ABLIM1: variants seen among roughly 807,000 people sequenced by gnomAD.
The protein encoded by ABLIM1 is actin-binding LIM protein 1.
ABLIM1 carries 40 observed loss-of-function variants against 107.0 expected under a neutral mutation model. The observed-to-expected ratio is 0.37, with a 90% CI of 0.29 to 0.49. The LOEUF is 0.49. Among genes scored for constraint, ABLIM1 ranks in the 20% least tolerant of loss-of-function variants. The pLI is 0.97. For missense variants in ABLIM1, 857 were observed against 1,008.5 expected (o/e 0.85, Z 2.04); for synonymous variants, 357 against 357.3 (o/e 1.00, Z 0.01).
intron 4 of ABLIM1, among the ~76,000 whole-genome samples, chr10:114,567,636 C>T (rs1326702303): frequency 6.6e-6 from 1 of 152,220 alleles, no homozygotes; most frequent in African/African-American, 2.4e-5. Flanking sequence ...TGCATCTTTC[C>T]TCAATAAGGT....
At chr10:114,730,397 C>CAAAAAAAAAAAAAAAAAAAAAAA (rs59713925) in intron 1 of ABLIM1, among the ~76,000 whole-genome samples, 1 of 73,144 alleles carries the variant, frequency 1.4e-5, no homozygotes, top group Non-Finnish European at 2.8e-5. Flanking sequence ...AACTCCATCT[C>CAAAAAAAAAAAAAAAAAAAAAAA]AAAAAAAAAA....
At chr10:114,476,934 C>G (rs924423904) in intron 8 of ABLIM1, among the ~76,000 whole-genome samples, 1 of 152,130 alleles carries the variant, frequency 6.6e-6, no homozygotes, top group Non-Finnish European at 1.5e-5. Context: ...CTACTGCCCA[C>G]TTACTACGTG....
the ABLIM1 span, among the ~76,000 whole-genome samples, chr10:114,784,870 A>T: frequency 1.3e-5 from 2 of 151,650 alleles, no homozygotes; most frequent in African/African-American, 4.9e-5. Flanking sequence ...TGGACCATAA[A>T]GGAAAAAAAA....
At chr10:114,672,842 C>T (rs942637448) in intron 1 of ABLIM1, among the ~76,000 whole-genome samples, 1 of 152,144 alleles carries the variant, frequency 6.6e-6, no homozygotes, top group Non-Finnish European at 1.5e-5. Context: ...TCTCGTGCTC[C>T]AGCATCATTT....
At chr10:114,710,004 A>G (rs985403550) in intron 1 of ABLIM1, among the ~76,000 whole-genome samples, 1 of 152,154 alleles carries the variant, frequency 6.6e-6, no homozygotes, top group Admixed American at 6.5e-5. Flanking sequence ...CACTCCCACC[A>G]TGTGCACACA....
chr10:114,539,777 C>T lies in ABLIM1; in HGVS notation c.894+5228G>A, dbSNP rs75816682. Among the ~76,000 whole-genome samples, 1,171 of 152,152 alleles carry T rather than the reference C, an allele frequency of 7.7e-3. 8 individuals carry two copies. Among genetic ancestry groups the T allele is most frequent in the Middle Eastern group, 0.02 (6 of 294 alleles). ...TACCAAAGATGGGAAGAAATGCATT[C>T]CAAAGAGATGCCCCACTCCCCCATG... On this transcript the variant is annotated intron_variant, in intron 6 of 22. Transcript: ENST00000533213.
chr10:114,482,599 G>A (rs2057536926), intron 8 of ABLIM1, among the ~76,000 whole-genome samples: 1 of 152,168 alleles, frequency 6.6e-6, no homozygotes. Flanking sequence ...AACGGGTGAA[G>A]GGAGACCTTG....
At chr10:114,561,424 G>A (rs561374567) in intron 4 of ABLIM1, among the ~76,000 whole-genome samples, 7 of 152,222 alleles carry the variant, frequency 4.6e-5, no homozygotes, top group African/African-American at 1.4e-4. Context: ...TTTGAAAAAC[G>A]AACATTATTT....
intron 1 of ABLIM1, among the ~76,000 whole-genome samples, chr10:114,618,960 G>C (rs923842172): frequency 2.6e-5 from 4 of 151,986 alleles, no homozygotes; most frequent in Non-Finnish European, 5.9e-5. Context: ...AGCCACTCCT[G>C]GGCTCTTGTT....
intron 4 of ABLIM1, among the ~76,000 whole-genome samples, chr10:114,567,751 A>C (rs2070971902): frequency 6.6e-6 from 1 of 152,268 alleles, no homozygotes; most frequent in Non-Finnish European, 1.5e-5. Flanking sequence ...AACCAGTCAC[A>C]GAATGTGAAA....
chr10:114,585,615 A>C (rs981377403), intron 2 of ABLIM1, among the ~76,000 whole-genome samples: 2 of 152,018 alleles, frequency 1.3e-5, no homozygotes, highest in Non-Finnish European at 2.9e-5. Flanking sequence ...CTTGCATGTA[A>C]GCCCCCCACA....
chr10:114,436,405 G>A (rs1396169686), intron 22 of ABLIM1, 32 bp from the exon 23 acceptor site: 4 of 1,510,744 alleles, frequency 2.6e-6, no homozygotes, highest in Non-Finnish European at 2.7e-6. Flanking sequence ...AAGAGCTGCT[G>A]TCAGTCCTGA....
chr10:114,470,109 T>C (rs2066161379), intron 10 of ABLIM1, among the ~76,000 whole-genome samples: 1 of 152,172 alleles, frequency 6.6e-6, no homozygotes, highest in Admixed American at 6.5e-5. Flanking sequence ...ATCTGACTCT[T>C]GCAGTGTTTC....
chr10:114,639,259 A>G (rs569896916), intron 1 of ABLIM1, among the ~76,000 whole-genome samples: 166 of 152,326 alleles, frequency 1.1e-3, no homozygotes, highest in Non-Finnish European at 2.0e-3. Context: ...AAGTTTCTCT[A>G]GTTCTTAGTA....
the ABLIM1 span, among the ~76,000 whole-genome samples, chr10:114,800,108 G>A: frequency 2.0e-5 from 3 of 152,146 alleles, no homozygotes; most frequent in East Asian, 5.8e-4. Context: ...AAAAAATTGA[G>A]TGTGTTTGTT....
intron 6 of ABLIM1, among the ~76,000 whole-genome samples, chr10:114,537,704 A>G (rs1565867909): frequency 6.6e-6 from 1 of 152,238 alleles, no homozygotes; most frequent in Non-Finnish European, 1.5e-5. Context: ...GTGGTGGCTT[A>G]CTGTCCACTG....
At chr10:114,492,028 C>A in intron 6 of ABLIM1, 150 bp from the exon 7 acceptor site, 1 of 596,680 alleles carries the variant, frequency 1.7e-6, no homozygotes, top group Non-Finnish European at 2.7e-6. Context: ...CCAACAGCCC[C>A]GGAAGCTAAA....
chr10:114,793,723 G>T, the ABLIM1 span, among the ~76,000 whole-genome samples: 712 of 152,280 alleles, frequency 4.7e-3, 10 homozygotes, highest in African/African-American at 0.016. Context: ...CCTCTGATGG[G>T]TAGTTTGGGC....
chr10:114,674,791 T>C lies in ABLIM1; in HGVS notation c.64+9499A>G, dbSNP rs1380960812. 4.7e-5 allele frequency among the ~76,000 whole-genome samples: 7 copies of C among 149,468 alleles called. No homozygotes were observed. The Admixed American group carries it at 4.7e-4, about 10-fold the overall frequency. ...AAGGGACACTGTTAAACCTTCAAAA[T>C]CAGAAATTTATAAGAATGCTCTGAG... is the stretch of plus-strand genomic sequence containing the variant. On this transcript the variant is annotated intron_variant, in intron 1 of 23. Transcript: ENST00000369256.
Sources: gnomAD v4.1 joint callset for allele counts (sites outside exome capture counted in the v4.1 genomes callset) on GRCh38, gnomAD v4.1.1 for gene constraint, MANE v1.5 for transcripts, NCBI Gene and HGNC (gene_info 2026-07-23, HGNC 2026-07-21) for gene names.